ARHGAP18: variants seen among roughly 807,000 people sequenced by gnomAD.
ARHGAP18 encodes the protein rho GTPase-activating protein 18.
A neutral mutation model predicts 86.2 loss-of-function variants in ARHGAP18; 67 were observed. The observed-to-expected ratio is 0.78, with a 90% CI of 0.64 to 0.95. The LOEUF is 0.95. ARHGAP18 is among the 40% of genes least tolerant of loss of function. The pLI is 0.00. For missense variants in ARHGAP18, 691 were observed against 780.4 expected, an observed-to-expected ratio of 0.89 and a Z score of 1.37; for synonymous variants, 283 against 280.4, an observed-to-expected ratio of 1.01 and a Z score of -0.09.
intron 8 of ARHGAP18, among the ~76,000 whole-genome samples, chr6:129,610,638 T>C (rs1323417551): frequency 6.6e-6 from 1 of 152,126 alleles, no homozygotes; most frequent in African/African-American, 2.4e-5. Context: ...TTCTTTTTTT[T>C]TTCTTTTGAG....
chr6:129,605,888 C>A lies in ARHGAP18; in HGVS notation c.1354G>T (p.Asp452Tyr), dbSNP rs751720325. 6.2e-7 allele frequency: 1 copy of A among 1,613,222 alleles called. No individual in the cohort carries two copies. The highest frequency in any genetic ancestry group is 1.1e-5 in the South Asian group (1 of 91,052). The change falls in exon 10 of 15, where the codon GAC (aspartate) becomes TAC (tyrosine). Residue 452 changes from aspartate to tyrosine, a missense_variant. Physicochemically the swap from Asp to Tyr is radical, Grantham distance 160. Coordinates refer to ENST00000368149, the MANE Select transcript of ARHGAP18 (RefSeq NM_033515.3). Reference protein sequence around the residue: ...LVILLPDANRDTLKALLEFLQ... With the variant: ...LVILLPDANRYTLKALLEFLQ... ...TTAACCAAGCTGACCTTCAGTGTGT[C>A]CCTGTTTGCATCAGGTAGGAGGATG...
intron 1 of ARHGAP18, among the ~76,000 whole-genome samples, chr6:129,692,070 TCTC>T (rs1774539266): frequency 6.6e-6 from 1 of 152,068 alleles, no homozygotes; most frequent in East Asian, 1.9e-4. Context: ...CCATAATTGT[TCTC>T]CTCTTCCAGG....
At chr6:129,616,134 AT>A (rs1355509181) in intron 7 of ARHGAP18, 77 bp downstream of exon 7, 1 of 1,158,826 alleles carries the variant, frequency 8.6e-7, no homozygotes, top group East Asian at 2.4e-5. Context: ...GGAAAACTGT[AT>A]TATAATAATA....
rs9388725 is a variant in ARHGAP18 at position 129,700,947 on chromosome 6, A to T, written c.113+9077T>A. On this transcript the variant is annotated intron_variant, in intron 1 of 14. Transcript: ENST00000368149. ...CATTCAATCTTTTAGTAACTACCTA[A>T]AGTGAACTAAGCACTTTGCCAAGGC... 5.9e-5 allele frequency among the ~76,000 whole-genome samples: 9 copies of T among 152,186 alleles called. No individual in the cohort carries two copies. The East Asian group carries it at 1.4e-3, about 23-fold the overall frequency.
At chr6:129,631,535 A>G (rs1249123921) in intron 4 of ARHGAP18, among the ~76,000 whole-genome samples, 1 of 152,166 alleles carries the variant, frequency 6.6e-6, no homozygotes, top group East Asian at 1.9e-4. Context: ...TGATGTTTTA[A>G]TTACCTACTC....
chr6:129,586,019 T>C (rs1788389218), intron 12 of ARHGAP18, among the ~76,000 whole-genome samples: 1 of 152,224 alleles, frequency 6.6e-6, no homozygotes, highest in South Asian at 2.1e-4. Context: ...TTATTTTCAC[T>C]TAGAACACTT....
At chr6:129,614,589 A>AT (rs1789053757) in intron 7 of ARHGAP18, among the ~76,000 whole-genome samples, 1 of 152,178 alleles carries the variant, frequency 6.6e-6, no homozygotes, top group Admixed American at 6.5e-5. Flanking sequence ...AATAGACTGG[A>AT]TGCAATCCTC....
chr6:129,577,679 C>T lies in ARHGAP18; in HGVS notation c.*834G>A, dbSNP rs1206492485. On this transcript the variant is annotated 3_prime_UTR_variant, in exon 15 of 15. Coordinates refer to ENST00000368149, the MANE Select transcript of ARHGAP18 (RefSeq NM_033515.3). ...ATTTATAATGCTAATAATGACAACA[C>T]GTAAAGCCAGCTATGACTTTTAAAA... is the stretch of plus-strand genomic sequence containing the variant. The T allele has an allele frequency of 6.6e-6, 1 of 152,046 alleles. No individual in the cohort carries two copies. Among genetic ancestry groups the T allele is most frequent in the African/African-American group, 2.4e-5 (1 of 41,384 alleles). 9.4% of individuals were successfully genotyped at this position (152,046 alleles called of 1,614,324 possible).
At chr6:129,695,392 A>T (rs1774599158) in intron 1 of ARHGAP18, among the ~76,000 whole-genome samples, 1 of 152,192 alleles carries the variant, frequency 6.6e-6, no homozygotes, top group South Asian at 2.1e-4. Flanking sequence ...TGAAACAGGG[A>T]TCTAAACCCA....
Position 129,585,185 on chromosome 6 carries a change from G to A in ARHGAP18, c.1714-1073C>T, listed in dbSNP as rs1471729475. Among the ~76,000 whole-genome samples, 5 of 151,836 alleles carry A rather than the reference G, an allele frequency of 3.3e-5. No homozygotes were observed. In the South Asian group the frequency reaches 6.2e-4, roughly 19 times the overall value. On this transcript the variant is annotated intron_variant, in intron 12 of 14. Transcript: ENST00000368149. ...GCCCCACCTGTAATCCCAGCTACTC[G>A]GGAGGCTGAGGTAGGAGAATTGCTT...
At chr6:129,602,187 G>A (rs752660472) in intron 10 of ARHGAP18, among the ~76,000 whole-genome samples, 7 of 152,112 alleles carry the variant, frequency 4.6e-5, no homozygotes, top group Non-Finnish European at 8.8e-5. Flanking sequence ...CTCTATGAAT[G>A]AGGCAGTTTA....
intron 1 of ARHGAP18, among the ~76,000 whole-genome samples, chr6:129,665,451 G>C (rs1774019505): frequency 6.6e-6 from 1 of 152,208 alleles, no homozygotes; most frequent in South Asian, 2.1e-4. Context: ...TCAGGAGGCT[G>C]AGGTGGGAGG....
chr6:129,580,560 C>T (rs545063517), intron 13 of ARHGAP18, among the ~76,000 whole-genome samples: 4 of 152,190 alleles, frequency 2.6e-5, no homozygotes, highest in Admixed American at 2.6e-4. Context: ...GTGCTGACAA[C>T]TCCAGTAGTG....
chr6:129,583,159 G>C (rs115027345), intron 13 of ARHGAP18, among the ~76,000 whole-genome samples: 1 of 152,160 alleles, frequency 6.6e-6, no homozygotes, highest in East Asian at 1.9e-4. Flanking sequence ...CCAAGACAGA[G>C]TATTCGTAAA....
chr6:129,663,181 C>T (rs1426177823), intron 1 of ARHGAP18, among the ~76,000 whole-genome samples: 1 of 152,180 alleles, frequency 6.6e-6, no homozygotes, highest in African/African-American at 2.4e-5. Flanking sequence ...GCAAGGGTAA[C>T]ACAAGCTGTG....
chr6:129,669,508 A>T (rs1008918098), intron 1 of ARHGAP18, among the ~76,000 whole-genome samples: 3 of 144,884 alleles, frequency 2.1e-5, no homozygotes, highest in African/African-American at 7.5e-5. Context: ...AAAATAGGCC[A>T]GGCGCGGTGG....
In ARHGAP18 at chr6:129,587,446, T is replaced by A. The variant is rs189427896; in HGVS notation, c.1714-3334A>T. 6.5e-4 allele frequency among the ~76,000 whole-genome samples: 99 copies of A among 152,328 alleles called. No homozygotes were observed. The East Asian group carries it at 0.019, about 29-fold the overall frequency. Reference sequence around the variant, plus strand: ...CCAACACATCTCATGAAGAGCTGAATGTATTAGTCTCTTCTCGTGCTGCTA... The same window carrying A: ...CCAACACATCTCATGAAGAGCTGAAAGTATTAGTCTCTTCTCGTGCTGCTA... On this transcript the variant is annotated intron_variant, in intron 12 of 14. Coordinates refer to ENST00000368149, the MANE Select transcript of ARHGAP18 (RefSeq NM_033515.3).
intron 1 of ARHGAP18, among the ~76,000 whole-genome samples, chr6:129,645,277 T>G (rs1773555459): frequency 6.6e-6 from 1 of 152,322 alleles, no homozygotes; most frequent in South Asian, 2.1e-4. Context: ...TGGACCTTCC[T>G]AAAACTGTTC....
At chr6:129,618,148 G>C (rs1211907663) in intron 6 of ARHGAP18, among the ~76,000 whole-genome samples, 1 of 151,616 alleles carries the variant, frequency 6.6e-6, no homozygotes, top group Non-Finnish European at 1.5e-5. Flanking sequence ...TCCATGATGA[G>C]TACAATCTAG....
Sources: allele counts gnomAD v4.1 joint callset (sites outside exome capture counted in the v4.1 genomes callset), GRCh38; gene constraint gnomAD v4.1.1; transcripts MANE v1.5; gene names NCBI Gene and HGNC (gene_info 2026-07-23, HGNC 2026-07-21).